Variants in FRY observed in about 807,000 individuals in gnomAD.
FRY encodes the protein FRY microtubule binding protein, also known as protein furry homolog.
FRY carries 128 observed loss-of-function variants against 348.4 expected under a neutral mutation model. The ratio of observed to expected loss-of-function variants is 0.37; its 90% CI spans 0.32 to 0.43. The LOEUF (loss-of-function observed/expected upper bound fraction) is 0.43, where lower values mean the gene tolerates loss of function less well. Ranked by LOEUF, FRY falls within the 20% of genes least tolerant of loss-of-function variation. The pLI is 1.00. For missense variants in FRY, 2,736 were observed against 3,695.2 expected (o/e 0.74, Z 6.73); for synonymous variants, 1,370 against 1,374.7 (o/e 1.00, Z 0.08).
Position 32,297,033 on chromosome 13 carries a change from A to G in FRY, c.*1573A>G, listed in dbSNP as rs1403605515. The G allele has an allele frequency of 6.6e-6, 1 of 152,252 alleles. No individual in the cohort carries two copies. Among genetic ancestry groups the G allele is most frequent in the Non-Finnish European group, 1.5e-5 (1 of 68,050 alleles). 9.4% of individuals were successfully genotyped at this position (152,252 alleles called of 1,614,324 possible). ...CTATCCCCCAGGAACACAGGGAGAA[A>G]CATGTAACAATCTCATTTATGCCGT... is the stretch of plus-strand genomic sequence containing the variant. On this transcript the variant is annotated 3_prime_UTR_variant, in exon 61 of 61. Transcript: ENST00000542859.
intron 1 of FRY, among the ~76,000 whole-genome samples, chr13:32,073,328 A>T (rs986118086): frequency 6.6e-6 from 1 of 152,200 alleles, no homozygotes; most frequent in African/African-American, 2.4e-5. Context: ...AGGAAAACAG[A>T]TTCTGCCCGA....
chr13:32,095,371 G>A (rs1256375304), intron 2 of FRY, among the ~76,000 whole-genome samples: 5 of 106,244 alleles, frequency 4.7e-5, no homozygotes, highest in Middle Eastern at 7.5e-3. Flanking sequence ...TTTTTGAGAC[G>A]GAGTCTCACT....
Position 32,202,372 on chromosome 13 carries a change from T to G in FRY, c.3863T>G (p.Leu1288Arg). 6.2e-7 allele frequency: 1 copy of G among 1,614,052 alleles called. No individual in the cohort carries two copies. Among genetic ancestry groups the G allele is most frequent in the Non-Finnish European group, 8.5e-7 (1 of 1,179,902 alleles). ...MQLMQILEAKLFVYSKKVAEQ... is the reference protein window; with the variant it reads ...MQLMQILEAKRFVYSKKVAEQ... ...TCTTTATAGATCCTTGAAGCAAAGC[T>G]TTTTGTATACTCAAAGAAAGTCGCT... Residue 1288 changes from leucine (L) to arginine (R), a missense_variant, in exon 31 of 61, where the codon CTT becomes CGT. Transcript: ENST00000542859.
chr13:32,228,336 C>A, intron 39 of FRY, 120 bp from the exon 40 acceptor site: 1 of 825,600 alleles, frequency 1.2e-6, no homozygotes. Flanking sequence ...CGAAAGCAAC[C>A]ATTTTCTCCC....
chr13:32,215,759 G>A (rs1013203875), intron 35 of FRY, among the ~76,000 whole-genome samples: 14 of 151,998 alleles, frequency 9.2e-5, no homozygotes, highest in South Asian at 2.1e-4. Context: ...TTGTAGAGAC[G>A]GAGTTTCACT....
intron 1 of FRY, among the ~76,000 whole-genome samples, chr13:32,076,874 T>C (rs972945057): frequency 3.9e-5 from 6 of 152,226 alleles, no homozygotes; most frequent in African/African-American, 1.4e-4. Flanking sequence ...CAATCAATAA[T>C]TACTTTACTT....
rs76180916 is a variant in FRY, at chr13:32,278,478, G to A, written c.8399G>A (p.Cys2800Tyr). The change falls in exon 58 of 61, where the codon TGT becomes TAT. Residue 2800 changes from cysteine (C) to tyrosine (Y), a missense_variant. Around this residue, in one of 9 missense-constraint regions of FRY, gnomAD observed 789 missense variants for 996.2 expected, o/e 0.79. Coordinates refer to ENST00000542859, the MANE Select transcript of FRY (RefSeq NM_023037.3). Reference sequence around the variant, plus strand: ...TCTTTCTGACAGTGGCTTGCAAATTGTAAGGCAACATTTGCAGGGGGATCA... The same window carrying A: ...TCTTTCTGACAGTGGCTTGCAAATTATAAGGCAACATTTGCAGGGGGATCA... ...KEATLSWLAN[C>Y]KATFAGGSRD... 1.3e-6 allele frequency: 2 copies of A among 1,585,994 alleles called. No individual in the cohort carries two copies. The highest frequency in any genetic ancestry group is 2.2e-5 in the East Asian group (1 of 44,720).
At chr13:32,048,234 A>T (rs906698414) in intron 1 of FRY, among the ~76,000 whole-genome samples, 1 of 152,168 alleles carries the variant, frequency 6.6e-6, no homozygotes, top group Non-Finnish European at 1.5e-5. Context: ...GTCGCCCCTC[A>T]GTGGATGAGC....
chr13:32,239,139 C>G lies in FRY; in HGVS notation c.6419-113C>G. The stretch of plus-strand genomic sequence containing the variant: ...GTGTTAGATCATGTTTAAGCTGATT[C>G]AAAAAACTGCTTTTGCATCACCTCA... On this transcript the variant is annotated intron_variant, in intron 44 of 60. Coordinates refer to ENST00000542859, the MANE Select transcript of FRY (RefSeq NM_023037.3). The surrounding 1 kb of genome is among the most constrained non-coding windows in gnomAD (Gnocchi z 4.3). 1 of 760,458 alleles carries G rather than the reference C, an allele frequency of 1.3e-6. No homozygotes were observed. The highest frequency in any genetic ancestry group is 2.4e-6 in the Non-Finnish European group (1 of 420,804). The allele number at this position is 760,458 out of a possible 1,614,324, so 47.1% of individuals were successfully genotyped here. A position where few individuals can be genotyped will look rare whatever the true frequency, so the allele number is the denominator to read the frequency against.
intron 31 of FRY, among the ~76,000 whole-genome samples, chr13:32,205,494 G>C (rs1281113516): frequency 6.6e-6 from 1 of 152,130 alleles, no homozygotes; most frequent in African/African-American, 2.4e-5. Context: ...ATGTAATTGG[G>C]GGATTATATA....
rs756638026 is a variant in FRY, at chr13:32,289,636, T to G, written c.8473T>G (p.Leu2825Val). The G allele has an allele frequency of 1.9e-6, 3 of 1,568,868 alleles. No individual in the cohort carries two copies. The East Asian group carries it at 6.7e-5, about 35-fold the overall frequency. Residue 2825 changes from leucine to valine, a missense_variant, in exon 59 of 61, where the codon TTG becomes GTG. Around this residue, in one of 9 missense-constraint regions of FRY, gnomAD observed 789 missense variants for 996.2 expected, o/e 0.79. Transcript: ENST00000542859. Reference sequence around the variant, plus strand: ...CCCATGCAATTTCTCTCTTTAGCAATTGGAACTGTGTCAGAGATTATATAA... The same window carrying G: ...CCCATGCAATTTCTCTCTTTAGCAAGTGGAACTGTGTCAGAGATTATATAA... The part of the protein sequence containing the change: ...CQPGDSEEKQ[L>V]ELCQRLYKLH...
At chr13:32,207,392 A>G (rs1258489520) in intron 31 of FRY, among the ~76,000 whole-genome samples, 1 of 152,050 alleles carries the variant, frequency 6.6e-6, no homozygotes, top group Non-Finnish European at 1.5e-5. Flanking sequence ...TTCTGATTTC[A>G]TTTGTCACTG....
chr13:32,280,443 T>C (rs1355864380), intron 58 of FRY, among the ~76,000 whole-genome samples: 2 of 152,310 alleles, frequency 1.3e-5, no homozygotes, highest in Admixed American at 6.5e-5. Flanking sequence ...AGTAATATAT[T>C]TTTAAAAAAT....
chr13:32,149,783 C>T lies in FRY; in HGVS notation c.1428C>T (p.Phe476=), dbSNP rs1369698582. The T allele has an allele frequency of 9.9e-6, 16 of 1,609,920 alleles. No individual in the cohort carries two copies. The highest frequency in any genetic ancestry group is 4.5e-5 in the East Asian group (2 of 44,866). Residue 476 remains phenylalanine, a synonymous_variant, in exon 14 of 61, where the codon TTC becomes TTT. Coordinates refer to ENST00000542859, the MANE Select transcript of FRY (RefSeq NM_023037.3). ...RLDFAMKEII[F]DFLCVGKPAK... is the part of the protein sequence containing the mutation. The stretch of plus-strand genomic sequence containing the variant: ...ATTTTGCAATGAAAGAAATCATTTT[C>T]GATTTTCTTTGTGTGGGAAAACCAG...
At chr13:32,153,883 A>G (rs1416051569) in intron 14 of FRY, among the ~76,000 whole-genome samples, 1 of 152,214 alleles carries the variant, frequency 6.6e-6, no homozygotes, top group African/African-American at 2.4e-5. Context: ...CCAAGGCCAG[A>G]CAAATAAAAG....
In FRY at chr13:32,244,091, T is replaced by C; in HGVS notation, c.6737T>C (p.Ile2246Thr). 2 of 1,613,912 alleles carry C rather than the reference T, an allele frequency of 1.2e-6. No homozygotes were observed. Among genetic ancestry groups the C allele is most frequent in the Non-Finnish European group, 8.5e-7 (1 of 1,179,786 alleles). ...PSVQQPLLQV[I>T]YSLLSYMDLS... ...GTGCAGCAGCCCCTGCTCCAGGTGA[T>C]CTACAGTCTTCTCAGCTACATGGAC... The change falls in exon 47 of 61, where the codon ATC becomes ACC. Residue 2246 changes from isoleucine to threonine, a missense_variant. Ile to Thr is a moderately conservative substitution (Grantham distance 89, BLOSUM62 -1). This residue lies in a region of FRY where 789 missense variants were observed against 996.2 expected (regional missense o/e 0.79). Transcript: ENST00000542859.
chr13:32,121,843 A>T (rs537052199), intron 4 of FRY, among the ~76,000 whole-genome samples: 30 of 152,140 alleles, frequency 2.0e-4, no homozygotes, highest in Non-Finnish European at 4.3e-4. Flanking sequence ...TGGGTCATGA[A>T]ATCCTTGCCT....
chr13:32,161,405 C>T (rs1022782645), intron 17 of FRY, among the ~76,000 whole-genome samples, 154 bp downstream of exon 17: 3 of 152,104 alleles, frequency 2.0e-5, no homozygotes, highest in South Asian at 2.1e-4. Flanking sequence ...ATTATTTTTC[C>T]CATATTCAAG....
chr13:32,106,199 G>C (rs1256591191), intron 3 of FRY, among the ~76,000 whole-genome samples: 1 of 147,526 alleles, frequency 6.8e-6, no homozygotes, highest in African/African-American at 2.5e-5. Flanking sequence ...ATATCTATAG[G>C]ATATATAACA....
Sources: gnomAD v4.1 joint callset for allele counts (sites outside exome capture counted in the v4.1 genomes callset) on GRCh38, gnomAD v4.1.1 for gene constraint, gnomAD v4.1.1 regional missense constraint, Gnocchi (gnomAD v3.1) non-coding constraint, MANE v1.5 for transcripts, NCBI Gene and HGNC (gene_info 2026-07-23, HGNC 2026-07-21) for gene names.